The following HECTD2 variants were observed in gnomAD, a reference collection of about 807,000 sequenced individuals.
HECTD2 encodes HECT domain E3 ubiquitin protein ligase 2.
In HECTD2, 35 loss-of-function variants were observed where a neutral mutation model predicts 103.2. That is an observed-to-expected ratio of 0.34 (90% CI 0.26 to 0.45). HECTD2 has a LOEUF of 0.45. Among genes scored for constraint, HECTD2 ranks in the 20% least tolerant of loss-of-function variants. HECTD2 has a pLI of 1.00. For synonymous variants in HECTD2, 281 were observed against 329.9 expected (o/e 0.85, Z 1.61); for missense variants, 596 against 937.4 (o/e 0.64, Z 4.76).
intron 10 of HECTD2, chr10:91,485,966 C>A (rs1290205008): frequency 6.6e-6 from 1 of 152,032 alleles, no homozygotes; most frequent in African/African-American, 2.4e-5. Flanking sequence ...AAAACAGTCA[C>A]CAAATTATTT....
chr10:91,496,210 A>T lies in HECTD2; in HGVS notation c.1522-4A>T. 1 of 1,601,744 alleles carries T rather than the reference A, an allele frequency of 6.2e-7. No individual in the cohort carries two copies. Among genetic ancestry groups the T allele is most frequent in the Non-Finnish European group, 8.5e-7 (1 of 1,172,902 alleles). The stretch of plus-strand genomic sequence containing the variant: ...TGTTAATGCTTAACATTTAGTATGC[A>T]TAGCTTATGGGACTAGCTGTTTATA... On this transcript the variant is annotated splice_region_variant and splice_polypyrimidine_tract_variant and intron_variant, in intron 14 of 20. Coordinates refer to ENST00000298068, the MANE Select transcript of HECTD2 (RefSeq NM_182765.6).
chr10:91,491,624 C>A (rs1307024991), intron 12 of HECTD2, among the ~76,000 whole-genome samples: 1 of 152,116 alleles, frequency 6.6e-6, no homozygotes, highest in Non-Finnish European at 1.5e-5. Context: ...CCAGACCCAC[C>A]TTTGTTCCTG....
intron 8 of HECTD2, 122 bp from the exon 9 acceptor site, chr10:91,484,385 A>G (rs1412626254): frequency 6.9e-7 from 1 of 1,447,884 alleles, no homozygotes; most frequent in Admixed American, 2.1e-5. Flanking sequence ...GCAATTTAAG[A>G]AATAGAATTT....
chr10:91,482,387 A>G (rs1264298969), intron 7 of HECTD2, among the ~76,000 whole-genome samples: 1 of 151,934 alleles, frequency 6.6e-6, no homozygotes, highest in Admixed American at 6.6e-5. Context: ...GTATTCCTTC[A>G]GCGTCCCTTT....
At chr10:91,462,245 C>T in intron 5 of HECTD2, 61 bp downstream of exon 5, 1 of 1,457,460 alleles carries the variant, frequency 6.9e-7, no homozygotes, top group Non-Finnish European at 9.2e-7. Context: ...CAAAAGCAGC[C>T]ATACAAATAT....
chr10:91,503,991 T>G (rs1847030139), intron 20 of HECTD2, among the ~76,000 whole-genome samples: 1 of 152,156 alleles, frequency 6.6e-6, no homozygotes, highest in Non-Finnish European at 1.5e-5. Flanking sequence ...GCAGCCTAAC[T>G]GGGAGGCACC....
rs1845298155 is a variant in HECTD2, at chr10:91,460,462, C to G, written c.304C>G (p.Gln102Glu). The change falls in exon 3 of 21, where the codon CAA becomes GAA. Residue 102 changes from glutamine to glutamate, a missense_variant. By Grantham distance (29) the Gln-to-Glu change is conservative. Coordinates refer to ENST00000298068, the MANE Select transcript of HECTD2 (RefSeq NM_182765.6). ...EPPPICLDVR[Q>E]KQRTSMDASS... ...ACCACCAATTTGCCTTGATGTTAGA[C>G]AAAAACAGCGTACATCTATGGATGC... 1 of 1,610,518 alleles carries G rather than the reference C, an allele frequency of 6.2e-7. No individual in the cohort carries two copies. Among genetic ancestry groups the G allele is most frequent in the African/African-American group, 1.3e-5 (1 of 74,800 alleles).
chr10:91,460,962 A>G (rs2133202076), intron 3 of HECTD2, among the ~76,000 whole-genome samples: 1 of 152,352 alleles, frequency 6.6e-6, no homozygotes, highest in African/African-American at 2.4e-5. Context: ...TGATAAAGAT[A>G]GAATGTAAAC....
At chr10:91,432,668 T>TA (rs11318501) in intron 2 of HECTD2, among the ~76,000 whole-genome samples, 385 of 148,852 alleles carry the variant, frequency 2.6e-3, no homozygotes, top group Non-Finnish European at 3.9e-3. Context: ...CCCCAAACTT[T>TA]AAAAAAAAAA....
chr10:91,429,309 T>C (rs1427760237), intron 2 of HECTD2, among the ~76,000 whole-genome samples: 3 of 152,198 alleles, frequency 2.0e-5, no homozygotes, highest in Admixed American at 6.5e-5. Flanking sequence ...TTTGCATCAA[T>C]GTTCATCAAG....
intron 5 of HECTD2, among the ~76,000 whole-genome samples, chr10:91,467,864 G>A (rs1845586043): frequency 1.3e-5 from 2 of 151,682 alleles, no homozygotes; most frequent in Non-Finnish European, 2.9e-5. Flanking sequence ...AAATGCACAC[G>A]GACACTAGCA....
At chr10:91,451,977 A>G (rs1359638653) in intron 2 of HECTD2, among the ~76,000 whole-genome samples, 3 of 152,164 alleles carry the variant, frequency 2.0e-5, no homozygotes, top group Admixed American at 1.3e-4. Context: ...AGAAGGATTA[A>G]TACTTGAGAA....
At chr10:91,472,960 A>G (rs1845778617) in intron 5 of HECTD2, among the ~76,000 whole-genome samples, 1 of 152,176 alleles carries the variant, frequency 6.6e-6, no homozygotes, top group African/African-American at 2.4e-5. Flanking sequence ...GGAAAAAGAG[A>G]TAAACTATAA....
chr10:91,450,484 A>C (rs955537909), intron 2 of HECTD2, among the ~76,000 whole-genome samples: 1 of 152,294 alleles, frequency 6.6e-6, no homozygotes, highest in East Asian at 1.9e-4. Flanking sequence ...TCACGGCTAA[A>C]ACACCAAAAA....
At chr10:91,503,342 T>A (rs928960994) in intron 20 of HECTD2, among the ~76,000 whole-genome samples, 1 of 152,272 alleles carries the variant, frequency 6.6e-6, no homozygotes, top group Non-Finnish European at 1.5e-5. Context: ...AGATGGGTGA[T>A]TTCTGCATTT....
chr10:91,502,457 T>C (rs1303670346), intron 20 of HECTD2, among the ~76,000 whole-genome samples: 1 of 152,246 alleles, frequency 6.6e-6, no homozygotes, highest in African/African-American at 2.4e-5. Flanking sequence ...TTGCACTTTA[T>C]ATCTGAGTCA....
At chr10:91,458,022 CAAAA>C (rs780908138) in intron 2 of HECTD2, among the ~76,000 whole-genome samples, 1 of 66,518 alleles carries the variant, frequency 1.5e-5, no homozygotes, top group Non-Finnish European at 3.2e-5. Context: ...ATTGTCTATG[CAAAA>C]AAAAAAAAAA....
At chr10:91,449,559 G>T (rs542733121) in intron 2 of HECTD2, among the ~76,000 whole-genome samples, 2 of 152,190 alleles carry the variant, frequency 1.3e-5, no homozygotes, top group East Asian at 3.9e-4. Context: ...TCAGGCAAGT[G>T]AGAGAAATAA....
intron 1 of HECTD2, among the ~76,000 whole-genome samples, chr10:91,422,491 C>T (rs1355406352): frequency 6.6e-6 from 1 of 152,082 alleles, no homozygotes; most frequent in Non-Finnish European, 1.5e-5. Flanking sequence ...CATTTGTTCG[C>T]ACTATTATTA....
Sources: gnomAD v4.1 joint callset for allele counts (sites outside exome capture counted in the v4.1 genomes callset) on GRCh38, gnomAD v4.1.1 for gene constraint, MANE v1.5 for transcripts, NCBI Gene and HGNC (gene_info 2026-07-23, HGNC 2026-07-21) for gene names.